MTTP: variants seen among roughly 807,000 people sequenced by gnomAD.
MTTP encodes the protein microsomal triglyceride transfer protein.
A neutral mutation model predicts 90.6 loss-of-function variants in MTTP; 49 were observed. That is an observed-to-expected ratio of 0.54 (90% CI 0.43 to 0.69). The LOEUF (loss-of-function observed/expected upper bound fraction) is 0.69, where lower values mean the gene tolerates loss of function less well. MTTP is among the 30% of genes least tolerant of loss of function. The pLI, the probability that MTTP is intolerant of heterozygous loss-of-function variation, is 0.00. For synonymous variants in MTTP, 347 were observed against 384.2 expected, an observed-to-expected ratio of 0.90 and a Z score of 1.13; for missense variants, 945 against 1,067.5, an observed-to-expected ratio of 0.89 and a Z score of 1.60.
In MTTP at chr4:99,589,715, T is replaced by C; in HGVS notation, c.466T>C (p.Phe156Leu). 1 of 1,605,362 alleles carries C rather than the reference T, an allele frequency of 6.2e-7. No homozygotes were observed. The part of the protein sequence containing the change: ...ENIKRGLASL[F>L]QTQLSSGTTN... ...TATCAAGAGAGGTCTGGCTAGCCTATTTCAGACACAGTTAAGCTCTGGAAC... is the reference window on the plus strand; with the variant it reads ...TATCAAGAGAGGTCTGGCTAGCCTACTTCAGACACAGTTAAGCTCTGGAAC... The change falls in exon 4 of 18, where the codon TTT becomes CTT. Residue 156 changes from phenylalanine to leucine, a missense_variant. Physicochemically the swap from Phe to Leu is conservative, Grantham distance 22. Coordinates refer to ENST00000265517, the MANE Select transcript of MTTP (RefSeq NM_001386140.1).
At chr4:99,596,568 G>C (rs62304988) in intron 7 of MTTP, among the ~76,000 whole-genome samples, 1 of 152,060 alleles carries the variant, frequency 6.6e-6, no homozygotes, top group African/African-American at 2.4e-5. Flanking sequence ...ATTGAATTTT[G>C]TACAAATAAT....
intron 3 of MTTP, 54 bp from the exon 4 acceptor site, chr4:99,589,589 T>G (rs1486735888): frequency 9.9e-7 from 1 of 1,009,256 alleles, no homozygotes; most frequent in Non-Finnish European, 1.6e-6. Flanking sequence ...TATTTAAATC[T>G]GATAAATGAT....
intron 1 of MTTP, among the ~76,000 whole-genome samples, chr4:99,567,244 T>C (rs1471302520): frequency 1.1e-4 from 17 of 152,214 alleles, no homozygotes; most frequent in Admixed American, 1.1e-3. Flanking sequence ...GTGTAGTCTG[T>C]GAACTTCCTG....
At chr4:99,620,938 C>T in intron 16 of MTTP, 123 bp from the exon 17 acceptor site, 1 of 909,732 alleles carries the variant, frequency 1.1e-6, no homozygotes. Context: ...ACCTCTGAAT[C>T]CCTTAAGTGT....
exon 1 of MTTP, chr4:99,564,204 G>A (rs1420695245): frequency 6.5e-7 from 1 of 1,535,616 alleles, no homozygotes; most frequent in East Asian, 2.4e-5. Context: ...AATTAAGTGT[G>A]TACCTGCAGA....
At chr4:99,564,756 A>G (rs1432693292) in intron 1 of MTTP, among the ~76,000 whole-genome samples, 1 of 152,208 alleles carries the variant, frequency 6.6e-6, no homozygotes, top group East Asian at 1.9e-4. Flanking sequence ...TGAATAGAAG[A>G]CTGGCTTCTC....
upstream of MTTP, among the ~76,000 whole-genome samples, chr4:99,573,118 A>T (rs978031822): frequency 6.6e-6 from 1 of 152,274 alleles, no homozygotes; most frequent in African/African-American, 2.4e-5. Context: ...GGCACGTATC[A>T]TGCACCACAT....
chr4:99,613,057 G>A lies in MTTP; in HGVS notation c.2134G>A (p.Asp712Asn). The change falls in exon 15 of 18, where the codon GAT becomes AAT. Residue 712 changes from aspartate to asparagine, a missense_variant. Coordinates refer to ENST00000265517, the MANE Select transcript of MTTP (RefSeq NM_001386140.1). The stretch of plus-strand genomic sequence containing the variant: ...TGTCACCTTTTTCAACGGATACAGT[G>A]ATTTGATGTCCAAAATGCTGTCAGC... ...RPVTFFNGYS[D>N]LMSKMLSASG... 6.2e-7 allele frequency: 1 copy of A among 1,614,110 alleles called. No homozygotes were observed. Among genetic ancestry groups the A allele is most frequent in the South Asian group, 1.1e-5 (1 of 91,082 alleles).
At position 99,602,329 on chromosome 4, in the gene MTTP, T is replaced by G. The variant is rs555968132; in HGVS notation, c.1344+615T>G. 2.6e-4 allele frequency among the ~76,000 whole-genome samples: 40 copies of G among 152,260 alleles called. 1 individual carries two copies. In the South Asian group the frequency reaches 8.3e-3, roughly 32 times the overall value. ...TTAAAAAGCAAAAAGCAAAAACACT[T>G]TTTAAGTATAACTAAATATGGAAAA... On this transcript the variant is annotated intron_variant, in intron 10 of 17. Coordinates refer to ENST00000265517, the MANE Select transcript of MTTP (RefSeq NM_001386140.1).
At chr4:99,567,295 A>G (rs1023092825) in intron 1 of MTTP, among the ~76,000 whole-genome samples, 3 of 152,220 alleles carry the variant, frequency 2.0e-5, no homozygotes, top group Admixed American at 6.5e-5. Flanking sequence ...AGGATAGACA[A>G]TAACAAAATC....
chr4:99,581,798 T>C, intron 1 of MTTP, 107 bp from the exon 2 acceptor site: 3 of 1,135,652 alleles, frequency 2.6e-6, no homozygotes, highest in Non-Finnish European at 4.0e-6. Flanking sequence ...AATCAGCGAA[T>C]ATTTACCAAG....
At chr4:99,583,010 G>A (rs1725165010) in intron 2 of MTTP, among the ~76,000 whole-genome samples, 1 of 152,088 alleles carries the variant, frequency 6.6e-6, no homozygotes, top group African/African-American at 2.4e-5. Flanking sequence ...AGGTAGAATA[G>A]GGCAGGGGTC....
chr4:99,573,949 C>T (rs1378896129), upstream of MTTP, among the ~76,000 whole-genome samples: 3 of 152,280 alleles, frequency 2.0e-5, no homozygotes, highest in African/African-American at 7.2e-5. Flanking sequence ...TATCAGGTCT[C>T]TCTCATGGGA....
chr4:99,590,198 C>T (rs1053077794), intron 4 of MTTP, among the ~76,000 whole-genome samples: 15 of 152,022 alleles, frequency 9.9e-5, no homozygotes, highest in African/African-American at 2.7e-4. Flanking sequence ...CAGGTTCAAG[C>T]GATTCTCCTG....
intron 4 of MTTP, among the ~76,000 whole-genome samples, chr4:99,590,215 C>A (rs2110217500): frequency 6.6e-6 from 1 of 152,236 alleles, no homozygotes; most frequent in South Asian, 2.1e-4. Flanking sequence ...CCTGCCTCAG[C>A]CTCCCAAGTA....
In MTTP at chr4:99,586,335, G is replaced by A. The variant is rs567978402; in HGVS notation, c.393+2818G>A. Among the ~76,000 whole-genome samples the A allele has an allele frequency of 2.0e-5, 3 of 152,240 alleles. No homozygotes were observed. The East Asian group carries it at 5.8e-4, about 29-fold the overall frequency. ...TGCTGACGAGTGAAAGATGCCTCAA[G>A]TTATACCATGGATTCTTTTTTAGGC... On this transcript the variant is annotated intron_variant, in intron 3 of 17. Transcript: ENST00000265517.
rs745529189 is a variant in MTTP, at chr4:99,598,653, C to CTTTTTTTTT, written c.1067+1449_1067+1457dup. 5.3e-4 allele frequency among the ~76,000 whole-genome samples: 44 copies of CTTTTTTTTT among 82,546 alleles called. 3 individuals carry two copies. Among genetic ancestry groups the CTTTTTTTTT allele is most frequent in the Admixed American group, 1.7e-3 (12 of 6,864 alleles). The allele number at this position is 82,546 out of a possible 152,430, so 54.2% of individuals were successfully genotyped here. ...ACAACAGTATATCCTTCAAGGAAGT[C>CTTTTTTTTT]TTTTTTTTTTTTTTTTTTTTTTTTT... On this transcript the variant is annotated intron_variant, in intron 8 of 17. Coordinates refer to ENST00000265517, the MANE Select transcript of MTTP (RefSeq NM_001386140.1).
chr4:99,617,737 A>G (rs371980526), intron 15 of MTTP, among the ~76,000 whole-genome samples: 1 of 152,332 alleles, frequency 6.6e-6, no homozygotes, highest in African/African-American at 2.4e-5. Flanking sequence ...GCAAGACTTA[A>G]AGGCTAAATG....
intron 2 of MTTP, 33 bp downstream of exon 2, chr4:99,582,125 T>A (rs773792075): frequency 6.2e-7 from 1 of 1,611,388 alleles, no homozygotes; most frequent in South Asian, 1.1e-5. Flanking sequence ...ATGCAAAGAT[T>A]AGATATCAGA....
Sources: allele counts gnomAD v4.1 joint callset (sites outside exome capture counted in the v4.1 genomes callset), GRCh38; gene constraint gnomAD v4.1.1; transcripts MANE v1.5; gene names NCBI Gene and HGNC (gene_info 2026-07-23, HGNC 2026-07-21).